The following ITSN1 variants were observed in gnomAD, a reference collection of about 807,000 sequenced individuals.
The protein encoded by ITSN1 is intersectin 1.
In ITSN1, 58 loss-of-function variants were observed where a neutral mutation model predicts 239.8. The ratio of observed to expected loss-of-function variants is 0.24; its 90% CI spans 0.20 to 0.30. The LOEUF (loss-of-function observed/expected upper bound fraction) is 0.30, where lower values mean the gene tolerates loss of function less well. Among genes scored for constraint, ITSN1 ranks in the 10% least tolerant of loss-of-function variants. The pLI is 1.00. For synonymous variants in ITSN1, 780 were observed against 770.8 expected, an observed-to-expected ratio of 1.01 and a Z score of -0.20; for missense variants, 1,558 against 2,103.3, an observed-to-expected ratio of 0.74 and a Z score of 5.07.
intron 26 of ITSN1, chr21:33,829,360 A>C: frequency 4.7e-6 from 2 of 428,372 alleles, no homozygotes; most frequent in Non-Finnish European, 8.6e-6. Context: ...CGTGGAGGGA[A>C]GTTGGTAAGT....
chr21:33,662,068 A>G (rs2089602194), intron 1 of ITSN1, among the ~76,000 whole-genome samples: 1 of 152,102 alleles, frequency 6.6e-6, no homozygotes, highest in South Asian at 2.1e-4. Context: ...TTTAGAGTGC[A>G]TTATGCTGTA....
Position 33,829,680 on chromosome 21 carries a change from G to A in ITSN1, c.3286G>A (p.Ala1096Thr), listed in dbSNP as rs764397454. 3.7e-6 allele frequency: 6 copies of A among 1,612,640 alleles called. No homozygotes were observed. The highest frequency in any genetic ancestry group is 3.3e-5 in the Admixed American group (2 of 59,994). Reference protein sequence around the residue: ...TATGPEQLTLAPGQLILIRKK... With the variant: ...TATGPEQLTLTPGQLILIRKK... ...CACCGGCCCCGAGCAGCTCACTCTCGCCCCTGGTCAGCTGATTTTGATCCG... is the reference window on the plus strand; with the variant it reads ...CACCGGCCCCGAGCAGCTCACTCTCACCCCTGGTCAGCTGATTTTGATCCG... Residue 1096 changes from alanine (A) to threonine (T), a missense_variant, in exon 27 of 40, where the codon GCC (alanine) becomes ACC (threonine). Physicochemically the swap from Ala to Thr is moderately conservative, Grantham distance 58. This residue lies in a region of ITSN1 where 576 missense variants were observed against 893.3 expected (regional missense o/e 0.64). Coordinates refer to ENST00000381318, the MANE Select transcript of ITSN1 (RefSeq NM_003024.3).
chr21:33,700,078 G>T (rs1426795085), intron 1 of ITSN1, among the ~76,000 whole-genome samples: 2 of 148,238 alleles, frequency 1.3e-5, no homozygotes, highest in Non-Finnish European at 3.0e-5. Context: ...TTTTTTTTTT[G>T]TTGTTGTTTT....
chr21:33,829,278 G>A (rs953043876), intron 26 of ITSN1: 13 of 343,468 alleles, frequency 3.8e-5, no homozygotes, highest in Non-Finnish European at 6.2e-5. Flanking sequence ...CCCACCCTTG[G>A]CCTCAGGGCA....
At chr21:33,748,082 C>T (rs1402410780) in intron 5 of ITSN1, among the ~76,000 whole-genome samples, 1 of 152,104 alleles carries the variant, frequency 6.6e-6, no homozygotes, top group Non-Finnish European at 1.5e-5. Flanking sequence ...GGGAATTGAG[C>T]TATATTTGTG....
intron 19 of ITSN1, among the ~76,000 whole-genome samples, chr21:33,800,421 T>G (rs1178015342): frequency 6.6e-6 from 1 of 152,136 alleles, no homozygotes; most frequent in Admixed American, 6.5e-5. Context: ...AAGAAATAGT[T>G]ATAAGTGCAA....
intron 27 of ITSN1, among the ~76,000 whole-genome samples, chr21:33,833,531 C>T (rs1289173656): frequency 6.6e-6 from 1 of 152,200 alleles, no homozygotes; most frequent in Non-Finnish European, 1.5e-5. Context: ...TATTATCCTT[C>T]TGGAATTGTG....
intron 1 of ITSN1, among the ~76,000 whole-genome samples, chr21:33,657,861 T>C (rs1385564295): frequency 2.0e-5 from 3 of 152,118 alleles, no homozygotes; most frequent in Non-Finnish European, 4.4e-5. Context: ...TGGTGTACTC[T>C]TGTAGTCCCA....
chr21:33,677,014 G>A (rs1377238628), intron 1 of ITSN1, among the ~76,000 whole-genome samples: 2 of 145,506 alleles, frequency 1.4e-5, no homozygotes, highest in East Asian at 2.2e-4. Context: ...CGTGAGGTGC[G>A]GGGAGGGGGG....
intron 1 of ITSN1, among the ~76,000 whole-genome samples, chr21:33,656,559 A>G (rs1363814894): frequency 6.6e-6 from 1 of 151,876 alleles, no homozygotes; most frequent in African/African-American, 2.4e-5. Flanking sequence ...TTTGAGACGG[A>G]GTCTCACTCT....
At position 33,682,626 on chromosome 21, in the gene ITSN1, A is replaced by G. The variant is rs576045640; in HGVS notation, c.-32-36171A>G. Among the ~76,000 whole-genome samples, 288 of 152,180 alleles carry G rather than the reference A, an allele frequency of 1.9e-3. 2 individuals carry two copies. Among genetic ancestry groups the G allele is most frequent in the African/African-American group, 6.5e-3 (269 of 41,534 alleles). ...TCACTGTAACCTCTGCTTCCCGGGT[A>G]CAAGTGATGCTTGTGTGTCAGCCTC... On this transcript the variant is annotated intron_variant, in intron 1 of 39. Coordinates refer to ENST00000381318, the MANE Select transcript of ITSN1 (RefSeq NM_003024.3).
intron 29 of ITSN1, chr21:33,837,607 GT>G (rs2074666936): frequency 1.0e-6 from 1 of 985,780 alleles, no homozygotes; most frequent in Admixed American, 6.1e-5. Context: ...AAGCGAAGGT[GT>G]TTGTGCTTGT....
In ITSN1 at chr21:33,882,511, A is replaced by C; in HGVS notation, c.4554+56A>C. On this transcript the variant is annotated intron_variant, in intron 35 of 39. Transcript: ENST00000381318. The surrounding 1 kb of genome is among the most constrained non-coding windows in gnomAD (Gnocchi z 4.5). ...GGGTTGACGTGTTTGGGGAGGAAGA[A>C]GTTTCCAAAAAGGAGGTAGAGTTTT... 2.0e-6 allele frequency: 3 copies of C among 1,504,294 alleles called. No homozygotes were observed. The highest frequency in any genetic ancestry group is 9.1e-7 in the Non-Finnish European group (1 of 1,092,914). The allele number at this position is 1,504,294 out of a possible 1,614,324, so 93.2% of individuals were successfully genotyped here.
intron 27 of ITSN1, among the ~76,000 whole-genome samples, chr21:33,832,068 C>T (rs777682010): frequency 8.5e-5 from 13 of 152,146 alleles, no homozygotes; most frequent in African/African-American, 2.2e-4. Flanking sequence ...AGGCTTCCTG[C>T]GGGGCCCCTC....
intron 17 of ITSN1, among the ~76,000 whole-genome samples, 170 bp downstream of exon 17, chr21:33,794,638 A>G (rs1186953731): frequency 6.6e-6 from 1 of 152,230 alleles, no homozygotes; most frequent in Non-Finnish European, 1.5e-5. Flanking sequence ...CTTTGCATGT[A>G]TCAGTACCCT....
At chr21:33,725,133 G>GTT (rs1171718411) in intron 4 of ITSN1, among the ~76,000 whole-genome samples, 52 of 91,176 alleles carry the variant, frequency 5.7e-4, no homozygotes, top group South Asian at 1.3e-3. Flanking sequence ...TTTTTTTTTT[G>GTT]TTTTTTTTTT....
intron 5 of ITSN1, 40 bp from the exon 6 acceptor site, chr21:33,750,103 G>C: frequency 6.3e-7 from 1 of 1,585,406 alleles, no homozygotes; most frequent in Non-Finnish European, 8.7e-7. Flanking sequence ...GTTGAAATGT[G>C]ATTGGATGTG....
chr21:33,819,169 G>GA (rs983854102), intron 23 of ITSN1, 72 bp from the exon 24 acceptor site: 3 of 1,172,006 alleles, frequency 2.6e-6, no homozygotes, highest in Non-Finnish European at 3.8e-6. Flanking sequence ...AGTTTTAACA[G>GA]AAAAATCAGT....
chr21:33,787,133 G>A (rs767138756), intron 16 of ITSN1, among the ~76,000 whole-genome samples: 1 of 152,172 alleles, frequency 6.6e-6, no homozygotes, highest in African/African-American at 2.4e-5. Context: ...TGTGTGTATG[G>A]TGGTGTAAAC....
Sources: gnomAD v4.1 joint callset for allele counts (sites outside exome capture counted in the v4.1 genomes callset) on GRCh38, gnomAD v4.1.1 for gene constraint, gnomAD v4.1.1 regional missense constraint, Gnocchi (gnomAD v3.1) non-coding constraint, MANE v1.5 for transcripts, NCBI Gene and HGNC (gene_info 2026-07-23, HGNC 2026-07-21) for gene names.